The following ASZ1 variants were observed in gnomAD, a reference collection of about 807,000 sequenced individuals.
The protein encoded by ASZ1 is ankyrin repeat, SAM and basic leucine zipper domain-containing protein 1.
In ASZ1, 67 loss-of-function variants were observed where a neutral mutation model predicts 61.8. The ratio of observed to expected loss-of-function variants is 1.08; its 90% CI spans 0.89 to 1.33. The LOEUF (loss-of-function observed/expected upper bound fraction) is 1.33, where lower values mean the gene tolerates loss of function less well. Ranked by LOEUF, ASZ1 falls within the 40% of genes most tolerant of loss-of-function variation. The pLI, the probability that ASZ1 is intolerant of heterozygous loss-of-function variation, is 0.00. For synonymous variants in ASZ1, 193 were observed against 192.7 expected (o/e 1.00, Z -0.01); for missense variants, 577 against 554.5 (o/e 1.04, Z -0.41).
At chr7:117,373,411 AG>A (rs1243956666) in intron 10 of ASZ1, among the ~76,000 whole-genome samples, 4 of 152,208 alleles carry the variant, frequency 2.6e-5, no homozygotes, top group Non-Finnish European at 5.9e-5. Context: ...ATACTAAGTC[AG>A]AAAAAAGTAA....
Position 117,398,108 on chromosome 7 carries a change from C to T in ASZ1, c.441-12299G>A, listed in dbSNP as rs564036205. 3.9e-5 allele frequency among the ~76,000 whole-genome samples: 6 copies of T among 152,338 alleles called. No individual in the cohort carries two copies. In the South Asian group the frequency reaches 6.2e-4, roughly 16 times the overall value. ...GGTCTTCATGTCATATTTTTATATA[C>T]AGTTCAGTATTATCTGATCTTTTTT... On this transcript the variant is annotated intron_variant, in intron 4 of 12. Coordinates refer to ENST00000284629, the MANE Select transcript of ASZ1 (RefSeq NM_130768.3).
chr7:117,397,634 C>A (rs1035098933), intron 4 of ASZ1, among the ~76,000 whole-genome samples: 1 of 152,144 alleles, frequency 6.6e-6, no homozygotes, highest in African/African-American at 2.4e-5. Flanking sequence ...AAGGCCAATT[C>A]GTGCTAATTT....
At chr7:117,378,619 AGTTTTAAAATATACTAAAT>A (rs1796182567) in intron 10 of ASZ1, among the ~76,000 whole-genome samples, 1 of 152,126 alleles carries the variant, frequency 6.6e-6, no homozygotes, top group African/African-American at 2.4e-5. Flanking sequence ...ACAGTTGGGC[AGTTTTAAAATATACTAAAT>A]ATGCAACCAC....
rs193281406 is a variant in ASZ1, at chr7:117,377,961, T to A, written c.1055+1977A>T. ...GAGGAACAGCCTTTTCAATAAATAG[T>A]GCTGGGGCAATTATCTATCCCCAGG... On this transcript the variant is annotated intron_variant, in intron 10 of 12. Transcript: ENST00000284629. Among the ~76,000 whole-genome samples, 47 of 152,072 alleles carry A rather than the reference T, an allele frequency of 3.1e-4. No homozygotes were observed. In the East Asian group the frequency reaches 7.2e-3, roughly 23 times the overall value.
chr7:117,373,269 T>TA (rs1323048905), intron 10 of ASZ1, among the ~76,000 whole-genome samples: 1 of 152,114 alleles, frequency 6.6e-6, no homozygotes, highest in Non-Finnish European at 1.5e-5. Context: ...TAAGAGAGTC[T>TA]TGCTATGTTG....
intron 4 of ASZ1, among the ~76,000 whole-genome samples, chr7:117,395,794 T>C (rs2116492314): frequency 6.6e-6 from 1 of 152,314 alleles, no homozygotes; most frequent in South Asian, 2.1e-4. Context: ...TGTAATAGTT[T>C]AATTAGAGGC....
intron 3 of ASZ1, among the ~76,000 whole-genome samples, chr7:117,421,409 C>T (rs1797097892): frequency 6.6e-6 from 1 of 152,068 alleles, no homozygotes; most frequent in Admixed American, 6.6e-5. Flanking sequence ...GAGACAAAGT[C>T]TCACTATGTT....
At chr7:117,425,760 T>C (rs1301404221) in intron 2 of ASZ1, among the ~76,000 whole-genome samples, 1 of 148,748 alleles carries the variant, frequency 6.7e-6, no homozygotes, top group African/African-American at 2.5e-5. Context: ...GAGGCCGAGG[T>C]GGGTGATTAC....
intron 4 of ASZ1, among the ~76,000 whole-genome samples, chr7:117,416,182 T>C (rs1188966930): frequency 6.6e-6 from 1 of 151,982 alleles, no homozygotes; most frequent in African/African-American, 2.4e-5. Context: ...CGAGACTCCA[T>C]CTCAAAATAA....
chr7:117,366,584 A>G (rs891045361), intron 12 of ASZ1, among the ~76,000 whole-genome samples: 5 of 151,882 alleles, frequency 3.3e-5, no homozygotes, highest in African/African-American at 1.2e-4. Flanking sequence ...CCATTCCAAC[A>G]GCTTAGATTT....
chr7:117,372,904 TTAA>T (rs1448731813), intron 10 of ASZ1, among the ~76,000 whole-genome samples: 1 of 152,206 alleles, frequency 6.6e-6, no homozygotes, highest in Non-Finnish European at 1.5e-5. Flanking sequence ...CAAAATAATT[TTAA>T]TGATGAAAAA....
chr7:117,413,447 A>G (rs765705670), intron 4 of ASZ1, among the ~76,000 whole-genome samples: 1 of 152,084 alleles, frequency 6.6e-6, no homozygotes, highest in Non-Finnish European at 1.5e-5. Flanking sequence ...TGTTTCATTT[A>G]CAAATTCTAA....
At chr7:117,390,216 C>T (rs1300402097) in intron 4 of ASZ1, among the ~76,000 whole-genome samples, 1 of 151,576 alleles carries the variant, frequency 6.6e-6, no homozygotes, top group Non-Finnish European at 1.5e-5. Context: ...GTCACACAGG[C>T]TGTAGTGCAG....
intron 4 of ASZ1, among the ~76,000 whole-genome samples, chr7:117,402,827 A>G (rs1417361252): frequency 6.6e-6 from 1 of 152,156 alleles, no homozygotes; most frequent in East Asian, 1.9e-4. Flanking sequence ...ATGACACCGA[A>G]TATTTAATAA....
Position 117,363,418 on chromosome 7 carries a change from G to T in ASZ1, c.*178C>A. The T allele has an allele frequency of 2.4e-6, 1 of 424,404 alleles. No individual in the cohort carries two copies. The highest frequency in any genetic ancestry group is 4.0e-6 in the Non-Finnish European group (1 of 252,698). 26.3% of individuals were successfully genotyped at this position (424,404 alleles called of 1,614,324 possible). A position where few individuals can be genotyped will look rare whatever the true frequency, so the allele number is the denominator to read the frequency against. On this transcript the variant is annotated 3_prime_UTR_variant, in exon 13 of 13. Transcript: ENST00000284629. The stretch of plus-strand genomic sequence containing the variant: ...ACAATTAACATAAACATAACAAATT[G>T]TATTTATAAGTCAAAGTAACAAACC...
At chr7:117,366,549 T>C (rs1476750970) in intron 12 of ASZ1, among the ~76,000 whole-genome samples, 1 of 151,964 alleles carries the variant, frequency 6.6e-6, no homozygotes, top group Non-Finnish European at 1.5e-5. Context: ...TGTTTTTCTT[T>C]ATTATCCATC....
chr7:117,404,215 G>T (rs182348260), intron 4 of ASZ1, among the ~76,000 whole-genome samples: 10 of 152,192 alleles, frequency 6.6e-5, no homozygotes, highest in African/African-American at 1.9e-4. Context: ...AAAGGGGTTA[G>T]TGCCTGCCAT....
At chr7:117,385,213 A>C (rs1378441504) in intron 5 of ASZ1, among the ~76,000 whole-genome samples, 2 of 152,024 alleles carry the variant, frequency 1.3e-5, no homozygotes, top group African/African-American at 4.8e-5. Flanking sequence ...TTTTTTAATC[A>C]AGAGTAAGGA....
At chr7:117,390,135 T>C (rs1429616728) in intron 4 of ASZ1, among the ~76,000 whole-genome samples, 2 of 151,928 alleles carry the variant, frequency 1.3e-5, no homozygotes, top group Admixed American at 6.6e-5. Flanking sequence ...CACTCTTGAG[T>C]TGATGGGCAC....
Sources: allele counts gnomAD v4.1 joint callset (sites outside exome capture counted in the v4.1 genomes callset), GRCh38; gene constraint gnomAD v4.1.1; transcripts MANE v1.5; gene names NCBI Gene and HGNC (gene_info 2026-07-23, HGNC 2026-07-21).